COL18A1: variants seen among roughly 807,000 people sequenced by gnomAD.
COL18A1 encodes the protein collagen type XVIII alpha 1 chain.
A neutral mutation model predicts 168.0 loss-of-function variants in COL18A1; 133 were observed. That is an observed-to-expected ratio of 0.79 (90% confidence interval 0.69 to 0.91). COL18A1 has a LOEUF of 0.91. Ranked by LOEUF, COL18A1 falls within the 40% of genes least tolerant of loss-of-function variation. The pLI, the probability that COL18A1 is intolerant of heterozygous loss-of-function variation, is 0.00. For missense variants in COL18A1, 2,126 were observed against 1,925.4 expected (o/e 1.10, Z -1.95); for synonymous variants, 949 against 809.0 (o/e 1.17, Z -2.94).
intron 16 of COL18A1, 74 bp downstream of exon 16, chr21:45,487,066 C>G (rs2145965396): frequency 2.2e-6 from 3 of 1,372,448 alleles, no homozygotes; most frequent in South Asian, 1.5e-5. Context: ...CCCCTGGCAT[C>G]TCACTCACAG....
chr21:45,502,468 G>A (rs1186768354), intron 32 of COL18A1: 1 of 152,208 alleles, frequency 6.6e-6, no homozygotes, highest in Non-Finnish European at 1.5e-5. Context: ...ACAACAAACA[G>A]TTATTTGATG....
At chr21:45,479,173 T>A (rs202039552) in intron 9 of COL18A1, among the ~76,000 whole-genome samples, 1 of 102,342 alleles carries the variant, frequency 9.8e-6, no homozygotes, top group African/African-American at 4.4e-5. Context: ...AATGTGTGAC[T>A]GCGCGTGTGT....
intron 2 of COL18A1, among the ~76,000 whole-genome samples, chr21:45,440,025 G>A (rs1206275039): frequency 1.3e-5 from 2 of 152,368 alleles, no homozygotes; most frequent in South Asian, 2.1e-4. Flanking sequence ...CCCAGAAAGC[G>A]CCAGCGGAGG....
chr21:45,434,529 C>T (rs9981843), intron 2 of COL18A1, among the ~76,000 whole-genome samples: 1 of 152,210 alleles, frequency 6.6e-6, no homozygotes, highest in African/African-American at 2.4e-5. Flanking sequence ...GAGGGCTTCC[C>T]GTGGCTCTGT....
intron 2 of COL18A1, among the ~76,000 whole-genome samples, chr21:45,430,110 T>TCCTC (rs2033914619): frequency 6.9e-6 from 1 of 144,644 alleles, no homozygotes; most frequent in African/African-American, 2.7e-5. Context: ...CGCCCTCTCG[T>TCCTC]TGGGGACCCC....
At chr21:45,456,387 C>T (rs1028927736) in intron 2 of COL18A1, 117 of 1,548,632 alleles carry the variant, frequency 7.6e-5, no homozygotes, top group Middle Eastern at 1.7e-4. Context: ...TCTGGGCTCC[C>T]GGGCGCACTG....
At chr21:45,437,285 C>G (rs1258941145) in intron 2 of COL18A1, among the ~76,000 whole-genome samples, 4 of 135,184 alleles carry the variant, frequency 3.0e-5, no homozygotes, top group Non-Finnish European at 4.6e-5. Flanking sequence ...CAGGCACTCT[C>G]CTGCACACAC....
intron 37 of COL18A1, chr21:45,507,212 G>A (rs1330379341): frequency 3.0e-6 from 1 of 332,332 alleles, no homozygotes; most frequent in African/African-American, 2.6e-5. Context: ...CCCTCCTGTG[G>A]GCTGGGAGGG....
intron 32 of COL18A1, 81 bp from the exon 33 acceptor site, chr21:45,503,930 C>T (rs2037022996): frequency 6.6e-6 from 10 of 1,525,432 alleles, no homozygotes; most frequent in Non-Finnish European, 6.4e-6. Context: ...CAGGCAAACC[C>T]ACCAGTGCTG....
chr21:45,493,301 T>C, intron 25 of COL18A1, 76 bp downstream of exon 25: 1 of 1,495,496 alleles, frequency 6.7e-7, no homozygotes, highest in Admixed American at 2.0e-5. Flanking sequence ...ATGACCACTG[T>C]TGGGAGGGAC....
intron 33 of COL18A1, 48 bp downstream of exon 33, chr21:45,504,102 C>T (rs754163411): frequency 3.1e-6 from 5 of 1,591,946 alleles, no homozygotes; most frequent in Non-Finnish European, 4.3e-6. Context: ...TCCTGTACAT[C>T]CCGCTGGGTG....
At chr21:45,510,896 G>C (rs1295605149) in intron 40 of COL18A1, among the ~76,000 whole-genome samples, 1 of 151,990 alleles carries the variant, frequency 6.6e-6, no homozygotes, top group Non-Finnish European at 1.5e-5. Flanking sequence ...TTGTTCCCTG[G>C]CAGGACATGC....
rs141839559 is a variant in COL18A1, at chr21:45,470,525, T to C, written c.651+1739T>C. Among the ~76,000 whole-genome samples the C allele has an allele frequency of 2.8e-3, 426 of 150,250 alleles. 3 individuals carry two copies. Among genetic ancestry groups the C allele is most frequent in the African/African-American group, 9.4e-3 (385 of 40,828 alleles). On this transcript the variant is annotated intron_variant, in intron 3 of 41. Transcript: ENST00000651438. Reference sequence around the variant, plus strand: ...TTTTTTAGATGGAATCTCGCTCTGTTGCTCAGGCTGGAGTGCAATGGGGTG... The same window carrying C: ...TTTTTTAGATGGAATCTCGCTCTGTCGCTCAGGCTGGAGTGCAATGGGGTG...
chr21:45,437,186 A>ACACTCACT lies in COL18A1; in HGVS notation c.107-31053_107-31052insTCACTCAC, dbSNP rs148664871. On this transcript the variant is annotated intron_variant, in intron 2 of 41. Coordinates refer to ENST00000651438, the MANE Select transcript of COL18A1 (RefSeq NM_001379500.1). ...CAGGCACTCTCCTGCACACACACTC[A>ACACTCACT]CACAGACACACAGGCACTCTCCTGC... Among the ~76,000 whole-genome samples the ACACTCACT allele has an allele frequency of 7.2e-3, 619 of 86,020 alleles. 42 individuals carry two copies. The highest frequency in any genetic ancestry group is 0.013 in the Middle Eastern group (2 of 152). The allele number at this position is 86,020 out of a possible 152,430, so 56.4% of individuals were successfully genotyped here.
At position 45,436,923 on chromosome 21, in the gene COL18A1, G is replaced by C. The variant is rs538818713; in HGVS notation, c.107-31319G>C. ...ACCCTGGCTAGGGAGGGGCTGGCTA[G>C]GGGCGAGCCGGGCTGCGCGGGGCCC... On this transcript the variant is annotated intron_variant, in intron 2 of 41. Coordinates refer to ENST00000651438, the MANE Select transcript of COL18A1 (RefSeq NM_001379500.1). Among the ~76,000 whole-genome samples the C allele has an allele frequency of 1.8e-4, 27 of 151,846 alleles. 1 individual carries two copies. The South Asian group carries it at 5.4e-3, about 30-fold the overall frequency.
chr21:45,487,500 T>C lies in COL18A1; in HGVS notation c.1887T>C (p.Asp629=), dbSNP rs546145795. 3 of 1,613,018 alleles carry C rather than the reference T, an allele frequency of 1.9e-6. No homozygotes were observed. In the East Asian group the frequency reaches 6.7e-5, roughly 36 times the overall value. The change falls in exon 17 of 42, where the codon GAT becomes GAC. Residue 629 remains aspartate, a synonymous_variant. Transcript: ENST00000651438. The part of the protein sequence containing the change: ...GPFWSTARSA[D]GPQGPPGLPG... Reference sequence around the variant, plus strand: ...TCTGGTCAACAGCCCGAAGCGCTGATGGGCCACAGGTAGTGTTGTGAGCTG... The same window carrying C: ...TCTGGTCAACAGCCCGAAGCGCTGACGGGCCACAGGTAGTGTTGTGAGCTG...
Position 45,513,680 on chromosome 21 carries a change from G to A in COL18A1, c.*1282G>A, listed in dbSNP as rs2037740023. ...GTTCTGTAATTGTGTGTGATGTGAA[G>A]CCAATTCAGACAGGCAAATAAAAGT... On this transcript the variant is annotated 3_prime_UTR_variant, in exon 42 of 42. Coordinates refer to ENST00000651438, the MANE Select transcript of COL18A1 (RefSeq NM_001379500.1). 1 of 152,264 alleles carries A rather than the reference G, an allele frequency of 6.6e-6. No homozygotes were observed. Among genetic ancestry groups the A allele is most frequent in the African/African-American group, 2.4e-5 (1 of 41,458 alleles). The allele number at this position is 152,264 out of a possible 1,614,324, so 9.4% of individuals were successfully genotyped here.
At chr21:45,509,999 C>T (rs1271119771) in intron 39 of COL18A1, 65 bp from the exon 40 acceptor site, 17 of 1,508,480 alleles carry the variant, frequency 1.1e-5, no homozygotes, top group South Asian at 2.4e-5. Flanking sequence ...CGGGGTGGTG[C>T]GCCCGGGGCC....
intron 26 of COL18A1, chr21:45,493,927 C>T: frequency 9.0e-6 from 3 of 333,372 alleles, no homozygotes; most frequent in South Asian, 3.5e-5. Flanking sequence ...TTTCTGGCTG[C>T]CCCTCCAGCC....
Sources: gnomAD v4.1 joint callset for allele counts (sites outside exome capture counted in the v4.1 genomes callset) on GRCh38, gnomAD v4.1.1 for gene constraint, MANE v1.5 for transcripts, NCBI Gene and HGNC (gene_info 2026-07-23, HGNC 2026-07-21) for gene names.